OSBPL10: variants seen among roughly 807,000 people sequenced by gnomAD.
OSBPL10 encodes the protein oxysterol-binding protein-related protein 10.
In OSBPL10, 49 loss-of-function variants were observed where a neutral mutation model predicts 81.7. The ratio of observed to expected loss-of-function variants is 0.60; its 90% CI spans 0.48 to 0.76. The LOEUF (loss-of-function observed/expected upper bound fraction) is 0.76, where lower values mean the gene tolerates loss of function less well. Ranked by LOEUF, OSBPL10 falls within the 30% of genes least tolerant of loss-of-function variation. The pLI, the probability that OSBPL10 is intolerant of heterozygous loss-of-function variation, is 0.00. For synonymous variants in OSBPL10, 419 were observed against 383.6 expected (o/e 1.09, Z -1.08); for missense variants, 923 against 987.8 (o/e 0.93, Z 0.88).
At chr3:31,986,231 T>C (rs915073650), upstream of OSBPL10, 1 of 152,238 alleles carries the variant, frequency 6.6e-6, no homozygotes, top group Non-Finnish European at 1.5e-5. Context: ...TACATGTTTA[T>C]TGCATGATAA....
chr3:32,049,016 G>A (rs980769906), intron 1 of OSBPL10, among the ~76,000 whole-genome samples: 34 of 151,030 alleles, frequency 2.3e-4, no homozygotes, highest in African/African-American at 7.9e-4. Context: ...TGCAACATCC[G>A]GAAGTTACCC....
intron 3 of OSBPL10, among the ~76,000 whole-genome samples, chr3:31,876,153 T>C (rs544777674): frequency 3.9e-5 from 6 of 152,236 alleles, no homozygotes; most frequent in African/African-American, 9.6e-5. Context: ...AGCTTCTCAA[T>C]AGACCAATTA....
chr3:31,679,243 A>G (rs1700574352), intron 8 of OSBPL10, among the ~76,000 whole-genome samples: 2 of 152,110 alleles, frequency 1.3e-5, no homozygotes, highest in Non-Finnish European at 2.9e-5. Flanking sequence ...ACATTATTGA[A>G]AATTGCAACC....
At chr3:31,692,595 T>C (rs951506222) in intron 7 of OSBPL10, among the ~76,000 whole-genome samples, 1 of 151,914 alleles carries the variant, frequency 6.6e-6, no homozygotes, top group Non-Finnish European at 1.5e-5. Context: ...GGAGAAACAA[T>C]TGTATAAGAC....
At chr3:31,905,345 ATTTTT>A (rs386396290) in intron 1 of OSBPL10, among the ~76,000 whole-genome samples, 9 of 94,816 alleles carry the variant, frequency 9.5e-5, no homozygotes, top group East Asian at 3.9e-4. Context: ...GAACCTGGTG[ATTTTT>A]TTTTTTTTTT....
At chr3:32,008,692 G>A (rs1699226172) in intron 2 of OSBPL10, among the ~76,000 whole-genome samples, 1 of 150,952 alleles carries the variant, frequency 6.6e-6, no homozygotes, top group African/African-American at 2.4e-5. Context: ...CGAGGCTGCG[G>A]TAAGGCAAGA....
intron 2 of OSBPL10, among the ~76,000 whole-genome samples, chr3:32,032,166 C>T (rs1699476083): frequency 6.6e-6 from 1 of 152,134 alleles, no homozygotes. Context: ...TGCCTGTAAT[C>T]CCAACACTTT....
At chr3:31,911,782 A>G (rs1456065893) in intron 1 of OSBPL10, among the ~76,000 whole-genome samples, 5 of 152,296 alleles carry the variant, frequency 3.3e-5, no homozygotes, top group Non-Finnish European at 5.9e-5. Context: ...AGTGGCCTCA[A>G]GCAGGGAACA....
chr3:31,679,182 T>G (rs1700572327), intron 8 of OSBPL10, among the ~76,000 whole-genome samples: 1 of 152,150 alleles, frequency 6.6e-6, no homozygotes, highest in African/African-American at 2.4e-5. Flanking sequence ...GAAGACCCCT[T>G]CTTAAACCTG....
intron 2 of OSBPL10, chr3:31,989,751 CA>C: frequency 6.2e-7 from 1 of 1,614,152 alleles, no homozygotes; most frequent in East Asian, 2.2e-5. Context: ...AGGAAGTACA[CA>C]TAAGAGAAAA....
At position 31,716,602 on chromosome 3, in the gene OSBPL10, G is replaced by A. The variant is rs180936347; in HGVS notation, c.1096-14094C>T. ...CAGGGAGGAGCAGCACAGGTGGTGT[G>A]CTACCAGCCCCTCAGATTCTCCAAA... On this transcript the variant is annotated intron_variant, in intron 6 of 11. Transcript: ENST00000396556. 1.3e-4 allele frequency among the ~76,000 whole-genome samples: 20 copies of A among 152,296 alleles called. No individual in the cohort carries two copies. In the Middle Eastern group the frequency reaches 0.024, roughly 181 times the overall value.
intron 2 of OSBPL10, among the ~76,000 whole-genome samples, chr3:32,031,126 T>C (rs1045834906): frequency 6.6e-6 from 1 of 151,040 alleles, no homozygotes; most frequent in Non-Finnish European, 1.5e-5. Context: ...GTCGTGACAC[T>C]GCACTCTAGC....
chr3:31,742,163 AACAG>A (rs1697372194), intron 5 of OSBPL10, among the ~76,000 whole-genome samples: 1 of 152,242 alleles, frequency 6.6e-6, no homozygotes, highest in African/African-American at 2.4e-5. Flanking sequence ...AAGAAAGTAT[AACAG>A]ACAAAGAAAG....
At chr3:31,917,259 C>T (rs531229835) in intron 1 of OSBPL10, among the ~76,000 whole-genome samples, 1 of 152,200 alleles carries the variant, frequency 6.6e-6, no homozygotes, top group Non-Finnish European at 1.5e-5. Context: ...CAGTGTCCAA[C>T]TCCACTAGGA....
chr3:31,990,381 T>G (rs1699010994), intron 2 of OSBPL10: 1 of 1,614,096 alleles, frequency 6.2e-7, no homozygotes, highest in Non-Finnish European at 8.5e-7. Context: ...GTGGCAAATT[T>G]TTTAGACGTC....
At chr3:31,905,368 T>C (rs913132469) in intron 1 of OSBPL10, among the ~76,000 whole-genome samples, 1,898 of 148,276 alleles carry the variant, frequency 0.013, 51 homozygotes, top group African/African-American at 0.042. Context: ...TTTTTTTTTT[T>C]AGACGGACTC....
intron 1 of OSBPL10, among the ~76,000 whole-genome samples, chr3:31,886,380 G>C (rs928820431): frequency 2.0e-5 from 3 of 152,060 alleles, no homozygotes; most frequent in African/African-American, 7.2e-5. Context: ...ACACAAGATG[G>C]TCAAGTCCAG....
In OSBPL10 at chr3:31,921,582, A is replaced by G. The variant is rs118043441; in HGVS notation, c.282-41752T>C. ...CTATAATCCAGAGTAAAAAATAAAT[A>G]TGCATGATTCCATACTGATATGAAT... On this transcript the variant is annotated intron_variant, in intron 1 of 11. Coordinates refer to ENST00000396556, the MANE Select transcript of OSBPL10 (RefSeq NM_017784.5). Among the ~76,000 whole-genome samples the G allele has an allele frequency of 9.2e-5, 14 of 152,324 alleles. No homozygotes were observed. The East Asian group carries it at 2.7e-3, about 29-fold the overall frequency.
chr3:31,783,562 G>A (rs902488242), intron 4 of OSBPL10, among the ~76,000 whole-genome samples: 1 of 150,354 alleles, frequency 6.7e-6, no homozygotes, highest in African/African-American at 2.4e-5. Flanking sequence ...AGGCTGAGGC[G>A]GGCAGATCAC....
Sources: gnomAD v4.1 joint callset for allele counts (sites outside exome capture counted in the v4.1 genomes callset) on GRCh38, gnomAD v4.1.1 for gene constraint, MANE v1.5 for transcripts, NCBI Gene and HGNC (gene_info 2026-07-23, HGNC 2026-07-21) for gene names.